Variants in KDM5A observed in about 807,000 individuals in gnomAD.
The protein encoded by KDM5A is lysine-specific demethylase 5A.
In KDM5A, 42 loss-of-function variants were observed where a neutral mutation model predicts 193.5. That is an observed-to-expected ratio of 0.22 (90% CI 0.17 to 0.28). The LOEUF (loss-of-function observed/expected upper bound fraction) is 0.28, where lower values mean the gene tolerates loss of function less well. KDM5A is among the 10% of genes least tolerant of loss of function. KDM5A has a pLI of 1.00. For synonymous variants in KDM5A, 796 were observed against 718.1 expected (o/e 1.11, Z -1.73); for missense variants, 1,692 against 2,055.1 (o/e 0.82, Z 3.42).
chr12:347,403 A>G (rs2137443694), intron 10 of KDM5A, among the ~76,000 whole-genome samples: 1 of 152,318 alleles, frequency 6.6e-6, no homozygotes, highest in East Asian at 1.9e-4. Context: ...ACAGAATTGG[A>G]AAAAACTACT....
In KDM5A at chr12:293,530, GCACTC is replaced by G. The variant is rs1241300755; in HGVS notation, c.4456-366_4456-362del. On this transcript the variant is annotated intron_variant, in intron 26 of 27. Coordinates refer to ENST00000399788, the MANE Select transcript of KDM5A (RefSeq NM_001042603.3). ...ACAGTGGTTCAGGCCTGTAATCCCA[GCACTC>G]TGGGAGGCCGAGGCGGGTGGATCAC... 5.3e-5 allele frequency among the ~76,000 whole-genome samples: 8 copies of G among 152,326 alleles called. No individual in the cohort carries two copies. The East Asian group carries it at 1.5e-3, about 29-fold the overall frequency.
At chr12:297,851 C>T (rs1457693959) in intron 24 of KDM5A, among the ~76,000 whole-genome samples, 1 of 152,182 alleles carries the variant, frequency 6.6e-6, no homozygotes. Flanking sequence ...TCTGCATCTC[C>T]TTATTGGACT....
At chr12:373,571 C>CT (rs1295814949) in intron 3 of KDM5A, among the ~76,000 whole-genome samples, 1 of 152,120 alleles carries the variant, frequency 6.6e-6, no homozygotes, top group East Asian at 1.9e-4. Context: ...TTTTGTGTCT[C>CT]TATCTCCTTC....
At chr12:386,589 G>A (rs1944640127) in intron 1 of KDM5A, among the ~76,000 whole-genome samples, 1 of 152,170 alleles carries the variant, frequency 6.6e-6, no homozygotes, top group South Asian at 2.1e-4. Flanking sequence ...GCTCATACCT[G>A]TAATCCCAGC....
chr12:379,328 A>G (rs1286150675), intron 3 of KDM5A, among the ~76,000 whole-genome samples: 1 of 152,232 alleles, frequency 6.6e-6, no homozygotes, highest in East Asian at 1.9e-4. Flanking sequence ...CATGTTAATG[A>G]AATAAATAGT....
At position 281,672 on chromosome 12, in the gene KDM5A, T is replaced by C; in HGVS notation, c.*3784A>G. On this transcript the variant is annotated 3_prime_UTR_variant, in exon 28 of 28. Transcript: ENST00000399788. Reference sequence around the variant, plus strand: ...ATGTGGGACTTCAACAGCTCAATTTTTCCACAATTTCCACTTTTCAAATCC... The same window carrying C: ...ATGTGGGACTTCAACAGCTCAATTTCTCCACAATTTCCACTTTTCAAATCC... 4.3e-6 allele frequency: 1 copy of C among 234,682 alleles called. No homozygotes were observed. Among genetic ancestry groups the C allele is most frequent in the Non-Finnish European group, 8.4e-6 (1 of 118,934 alleles). The allele number at this position is 234,682 out of a possible 1,614,324, so 14.5% of individuals were successfully genotyped here. A position where few individuals can be genotyped will look rare whatever the true frequency, so the allele number is the denominator to read the frequency against.
intron 3 of KDM5A, among the ~76,000 whole-genome samples, chr12:381,086 C>T (rs1189079845): frequency 6.6e-6 from 1 of 152,144 alleles, no homozygotes; most frequent in African/African-American, 2.4e-5. Context: ...CCTCCACCTC[C>T]CGGGTTCAAG....
chr12:289,912 T>TC (rs199876390), intron 27 of KDM5A, among the ~76,000 whole-genome samples: 1,796 of 145,384 alleles, frequency 0.012, 56 homozygotes, highest in African/African-American at 0.043. Context: ...TCTTTCTTTT[T>TC]TTTTTTTTTT....
chr12:297,333 TG>T, intron 24 of KDM5A, 133 bp from the exon 25 acceptor site: 3 of 791,812 alleles, frequency 3.8e-6, no homozygotes, highest in Non-Finnish European at 6.2e-6. Context: ...AAATATCTGA[TG>T]TTAAATAAGA....
In KDM5A at chr12:352,274, C is replaced by A; in HGVS notation, c.1080G>T (p.Glu360Asp). 6.2e-7 allele frequency: 1 copy of A among 1,612,594 alleles called. No individual in the cohort carries two copies. The highest frequency in any genetic ancestry group is 8.5e-7 in the Non-Finnish European group (1 of 1,178,652). ...EAFGFEQAVR[E>D]YTLQSFGEMA... ...TCTCTCCAAAGCTCTGAAGTGTATA[C>A]TCTCGTACAGCTTGTTCAAATCCAA... The change falls in exon 9 of 28, where the codon GAG (glutamate) becomes GAT (aspartate). Residue 360 changes from glutamate (E) to aspartate (D), a missense_variant. By Grantham distance (45) the Glu-to-Asp change is conservative. Around this residue, in one of 11 missense-constraint regions of KDM5A, gnomAD observed 62 missense variants for 107.1 expected, o/e 0.58. Transcript: ENST00000399788.
rs200689612 is a variant in KDM5A, at chr12:334,489, G to A, written c.1309-67C>T. On this transcript the variant is annotated intron_variant, in intron 10 of 27. Coordinates refer to ENST00000399788, the MANE Select transcript of KDM5A (RefSeq NM_001042603.3). Reference sequence around the variant, plus strand: ...AAAAGTGCTCAATAGAAATGCCAAGGGAGTCTTCCCAGAAAATTTTTTTAT... The same window carrying A: ...AAAAGTGCTCAATAGAAATGCCAAGAGAGTCTTCCCAGAAAATTTTTTTAT... The A allele has an allele frequency of 7.5e-5, 104 of 1,387,872 alleles. No homozygotes were observed. In the East Asian group the frequency reaches 2.3e-3, roughly 30 times the overall value. The allele number at this position is 1,387,872 out of a possible 1,614,324, so 86.0% of individuals were successfully genotyped here. A position where few individuals can be genotyped will look rare whatever the true frequency, so the allele number is the denominator to read the frequency against.
chr12:313,478 T>C (rs1297293569), intron 19 of KDM5A, among the ~76,000 whole-genome samples: 1 of 152,160 alleles, frequency 6.6e-6, no homozygotes, highest in African/African-American at 2.4e-5. Context: ...TCATTTAGTG[T>C]AATAAAGGAC....
At chr12:308,793 G>A (rs1428972821) in intron 22 of KDM5A, among the ~76,000 whole-genome samples, 1 of 152,204 alleles carries the variant, frequency 6.6e-6, no homozygotes. Flanking sequence ...TTTGTAGGCA[G>A]AAAGAGCTAT....
rs376830749 is a variant in KDM5A, at chr12:380,421, A to G, written c.366+3610T>C. Among the ~76,000 whole-genome samples the G allele has an allele frequency of 9.8e-5, 15 of 152,302 alleles. No individual in the cohort carries two copies. In the East Asian group the frequency reaches 2.5e-3, roughly 25 times the overall value. On this transcript the variant is annotated intron_variant, in intron 3 of 27. Coordinates refer to ENST00000399788, the MANE Select transcript of KDM5A (RefSeq NM_001042603.3). ...CTTAGGGTATTTATGAAAATAAAAT[A>G]GAGATAAAGATTGGCCGGGCACAGT...
chr12:365,815 A>G (rs1944349904), intron 4 of KDM5A, 119 bp downstream of exon 4: 1 of 809,276 alleles, frequency 1.2e-6, no homozygotes, highest in South Asian at 1.4e-5. Context: ...TTACACTATG[A>G]TATACACTTT....
At chr12:359,608 G>A (rs1565545819) in intron 5 of KDM5A, among the ~76,000 whole-genome samples, 1 of 151,826 alleles carries the variant, frequency 6.6e-6, no homozygotes. Flanking sequence ...GCTGAGTGGT[G>A]GTATGTACTT....
rs183150288 is a variant in KDM5A, at chr12:316,610, G to T, written c.2897+1496C>A. On this transcript the variant is annotated intron_variant, in intron 19 of 27. Transcript: ENST00000399788. ...CATTTGGTGGCCTACTACCAGGTGC[G>T]CCACGTTTATCAAAATCATAGTTTT... is the stretch of plus-strand genomic sequence containing the variant. Among the ~76,000 whole-genome samples the T allele has an allele frequency of 6.2e-4, 94 of 152,232 alleles. 1 individual carries two copies. Among genetic ancestry groups the T allele is most frequent in the Non-Finnish European group, 1.5e-4 (10 of 68,018 alleles).
chr12:348,770 G>A (rs761979832), intron 10 of KDM5A, among the ~76,000 whole-genome samples: 30 of 151,992 alleles, frequency 2.0e-4, no homozygotes, highest in Admixed American at 1.8e-3. Flanking sequence ...AGGGGGTGGG[G>A]GGCTGGAGGA....
chr12:311,772 G>A (rs1176058495), intron 20 of KDM5A, among the ~76,000 whole-genome samples: 3 of 151,762 alleles, frequency 2.0e-5, no homozygotes, highest in Non-Finnish European at 4.4e-5. Context: ...GGTGGCTCAC[G>A]CCTGTAATCC....
Sources: gnomAD v4.1 joint callset for allele counts (sites outside exome capture counted in the v4.1 genomes callset) on GRCh38, gnomAD v4.1.1 for gene constraint, gnomAD v4.1.1 regional missense constraint, MANE v1.5 for transcripts, NCBI Gene and HGNC (gene_info 2026-07-23, HGNC 2026-07-21) for gene names.